Variants in FAM53A observed in about 807,000 individuals in gnomAD.
FAM53A encodes the protein family with sequence similarity 53 member A, also known as protein FAM53A.
FAM53A carries 28 observed loss-of-function variants against 26.6 expected under a neutral mutation model. The observed-to-expected ratio is 1.05, with a 90% CI of 0.78 to 1.45. The LOEUF is 1.45. Ranked by LOEUF, FAM53A falls within the 40% of genes most tolerant of loss-of-function variation. The pLI, the probability that FAM53A is intolerant of heterozygous loss-of-function variation, is 0.00. For synonymous variants in FAM53A, 290 were observed against 253.1 expected, an observed-to-expected ratio of 1.15 and a Z score of -1.38; for missense variants, 650 against 575.8, an observed-to-expected ratio of 1.13 and a Z score of -1.32.
rs575598477 is a variant in FAM53A at position 1,680,141 on chromosome 4, G to A, written c.-165+4092C>T. 3.3e-5 allele frequency among the ~76,000 whole-genome samples: 5 copies of A among 151,666 alleles called. No homozygotes were observed. The South Asian group carries it at 1.0e-3, about 32-fold the overall frequency. On this transcript the variant is annotated intron_variant, in intron 1 of 4. Coordinates refer to ENST00000308132, the MANE Select transcript of FAM53A (RefSeq NM_001174070.3). ...TCAAGACCAGCCTGGCCAACGTGGA[G>A]AAACCCCGTCTCTACTAAAAATACA... is the stretch of plus-strand genomic sequence containing the variant.
intron 1 of FAM53A, among the ~76,000 whole-genome samples, chr4:1,669,784 G>A (rs901535377): frequency 1.2e-4 from 19 of 152,144 alleles, no homozygotes; most frequent in African/African-American, 3.1e-4. Context: ...GGAGTGATAC[G>A]GCACCTCCAT....
chr4:1,675,418 C>T (rs568236970), intron 1 of FAM53A, among the ~76,000 whole-genome samples: 49 of 152,314 alleles, frequency 3.2e-4, no homozygotes, highest in African/African-American at 1.2e-3. Flanking sequence ...GCCCTGAGCC[C>T]AGGTGATGCC....
chr4:1,610,338 C>A, the FAM53A span, among the ~76,000 whole-genome samples: 196 of 152,284 alleles, frequency 1.3e-3, no homozygotes, highest in Admixed American at 2.7e-3. Context: ...GACCTGCCAC[C>A]CGCCTCAGGA....
In FAM53A at chr4:1,644,224, G is replaced by A. The variant is rs753089070; in HGVS notation, c.883-2617C>T. 6.5e-6 allele frequency: 10 copies of A among 1,535,894 alleles called. No homozygotes were observed. The East Asian group carries it at 7.3e-5, about 11-fold the overall frequency. On this transcript the variant is annotated intron_variant, in intron 4 of 4. Coordinates refer to ENST00000308132, the MANE Select transcript of FAM53A (RefSeq NM_001174070.3). ...CAGGTTTCCTTCCATTTCAAACCAC[G>A]GCGTTTTGTTTTCATTCAGAGTCGA...
chr4:1,628,048 T>G (rs1577087579), intron 1 of FAM53A, among the ~76,000 whole-genome samples: 2 of 15,166 alleles, frequency 1.3e-4, no homozygotes, highest in Non-Finnish European at 2.4e-4. Context: ...GGGGGGAGGG[T>G]GCACCTCAGG....
intron 4 of FAM53A, 77 bp from the exon 5 acceptor site, chr4:1,641,684 G>A: frequency 2.7e-6 from 4 of 1,483,864 alleles, no homozygotes; most frequent in Non-Finnish European, 3.7e-6. Context: ...ACCCATCGAG[G>A]GCTCGGTGTG....
At chr4:1,682,279 T>C (rs1472538235) in intron 1 of FAM53A, among the ~76,000 whole-genome samples, 2 of 150,964 alleles carry the variant, frequency 1.3e-5, no homozygotes, top group African/African-American at 2.4e-5. Context: ...TTTTTTTTTT[T>C]TTGAGACAGA....
At chr4:1,586,308 C>T in the FAM53A span, among the ~76,000 whole-genome samples, 1 of 151,934 alleles carries the variant, frequency 6.6e-6, no homozygotes, top group Non-Finnish European at 1.5e-5. Context: ...ATTCTCCTGA[C>T]TCAGCCTCCC....
At chr4:1,588,484 G>GC in the FAM53A span, among the ~76,000 whole-genome samples, 1 of 152,166 alleles carries the variant, frequency 6.6e-6, no homozygotes, top group Non-Finnish European at 1.5e-5. Context: ...TTACTTGCTG[G>GC]CTTCCAGGTC....
At chr4:1,680,135 C>T (rs560518041) in intron 1 of FAM53A, among the ~76,000 whole-genome samples, 96 of 151,508 alleles carry the variant, frequency 6.3e-4, no homozygotes, top group Middle Eastern at 3.4e-3. Context: ...GCCTGGCCAA[C>T]GTGGAGAAAC....
At chr4:1,676,840 C>T (rs567229475) in intron 1 of FAM53A, among the ~76,000 whole-genome samples, 1 of 152,324 alleles carries the variant, frequency 6.6e-6, no homozygotes, top group African/African-American at 2.4e-5. Flanking sequence ...TATCACGTCA[C>T]TATAGTGTTT....
At chr4:1,637,650 TGGGCAGGGG>T (rs1715907034), downstream of FAM53A, among the ~76,000 whole-genome samples, 1 of 140,184 alleles carries the variant, frequency 7.1e-6, no homozygotes. Context: ...TGGGCAGGGG[TGGGCAGGGG>T]TGGGCCACTG....
chr4:1,675,480 C>G (rs1414208828), intron 1 of FAM53A, among the ~76,000 whole-genome samples: 1 of 152,330 alleles, frequency 6.6e-6, no homozygotes, highest in African/African-American at 2.4e-5. Context: ...AACGAACTCA[C>G]TTCCACTTTT....
chr4:1,640,125 C>T lies in FAM53A; in HGVS notation c.*1168G>A, dbSNP rs1711543181. 6.5e-6 allele frequency: 1 copy of T among 154,128 alleles called. No individual in the cohort carries two copies. The highest frequency in any genetic ancestry group is 1.4e-5 in the Non-Finnish European group (1 of 69,598). The allele number at this position is 154,128 out of a possible 1,614,324, so 9.5% of individuals were successfully genotyped here. A position where few individuals can be genotyped will look rare whatever the true frequency, so the allele number is the denominator to read the frequency against. ...CGGGTGCTGCCGGCAGGACAGCCTT[C>T]CCAGAGGTCTGGCACTACACCCCAC... is the stretch of plus-strand genomic sequence containing the variant. On this transcript the variant is annotated 3_prime_UTR_variant, in exon 5 of 5. Coordinates refer to ENST00000308132, the MANE Select transcript of FAM53A (RefSeq NM_001174070.3).
At chr4:1,667,490 C>T (rs1208556717) in intron 2 of FAM53A, among the ~76,000 whole-genome samples, 2 of 152,150 alleles carry the variant, frequency 1.3e-5, no homozygotes, top group African/African-American at 4.8e-5. Flanking sequence ...TCAGTCACAG[C>T]GGCCCTGAGT....
intron 1 of FAM53A, among the ~76,000 whole-genome samples, chr4:1,626,649 C>T (rs984616433): frequency 6.6e-6 from 1 of 152,040 alleles, no homozygotes; most frequent in Non-Finnish European, 1.5e-5. Flanking sequence ...CTCTCAGCCA[C>T]GGCCATGCCC....
intron 2 of FAM53A, among the ~76,000 whole-genome samples, chr4:1,664,866 T>A (rs1714110040): frequency 1.3e-5 from 2 of 151,472 alleles, no homozygotes; most frequent in African/African-American, 4.9e-5. Context: ...TAATCCCAAC[T>A]ACTGAGGAGG....
chr4:1,643,249 G>A (rs533241315), intron 4 of FAM53A, among the ~76,000 whole-genome samples: 27 of 152,190 alleles, frequency 1.8e-4, no homozygotes, highest in South Asian at 1.7e-3. Context: ...GGCGGATCAC[G>A]AGGTCAGGAG....
intron 1 of FAM53A, among the ~76,000 whole-genome samples, chr4:1,627,792 G>C (rs1355484980): frequency 6.6e-6 from 1 of 152,012 alleles, no homozygotes; most frequent in Non-Finnish European, 1.5e-5. Context: ...CCCACCTGGG[G>C]GTCTCCACTC....
Sources: allele counts gnomAD v4.1 joint callset (sites outside exome capture counted in the v4.1 genomes callset), GRCh38; gene constraint gnomAD v4.1.1; transcripts MANE v1.5; gene names NCBI Gene and HGNC (gene_info 2026-07-23, HGNC 2026-07-21).